MPRIP: variants seen among roughly 807,000 people sequenced by gnomAD.
MPRIP encodes the protein myosin phosphatase Rho-interacting protein.
Under a neutral mutation model 234.9 loss-of-function variants are expected in MPRIP, and 59 were observed. That is an observed-to-expected ratio of 0.25 (90% CI 0.20 to 0.31). The LOEUF (loss-of-function observed/expected upper bound fraction) is 0.31. Ranked by LOEUF, MPRIP falls within the 10% of genes least tolerant of loss-of-function variation. The pLI is 1.00. For synonymous variants in MPRIP, 1,144 were observed against 1,263.9 expected, an observed-to-expected ratio of 0.91 and a Z score of 2.01; for missense variants, 2,436 against 3,071.0, an observed-to-expected ratio of 0.79 and a Z score of 4.89.
In MPRIP at chr17:17,164,878, T is replaced by G; in HGVS notation, c.3287T>G (p.Leu1096Arg). ...GCACGAGAGGCCAGCGTGCGCAGGCTCGCAGAGCACGTGCAGAGCCTCTGT... is the reference window on the plus strand; with the variant it reads ...GCACGAGAGGCCAGCGTGCGCAGGCGCGCAGAGCACGTGCAGAGCCTCTGT... ...LEAREASVRR[L>R]AEHVQSLCDE... Residue 1096 changes from leucine (L) to arginine (R), a missense_variant, in exon 16 of 24, where the codon CTC becomes CGC. This residue lies in a region of MPRIP where 1,998 missense variants were observed against 2,520.3 expected (regional missense o/e 0.79). Transcript: ENST00000651222. 7.7e-7 allele frequency: 1 copy of G among 1,303,958 alleles called. No individual in the cohort carries two copies. The highest frequency in any genetic ancestry group is 1.0e-6 in the Non-Finnish European group (1 of 988,828). The allele number at this position is 1,303,958 out of a possible 1,614,324, so 80.8% of individuals were successfully genotyped here. A position where few individuals can be genotyped will look rare whatever the true frequency, so the allele number is the denominator to read the frequency against.
chr17:17,154,122 G>A (rs975496997), intron 12 of MPRIP, among the ~76,000 whole-genome samples, 184 bp from the exon 13 acceptor site: 75 of 152,192 alleles, frequency 4.9e-4, no homozygotes, highest in Admixed American at 2.6e-4. Flanking sequence ...CAGCTTTGAC[G>A]TCTCCTGCTC....
intron 13 of MPRIP, 31 bp from the exon 14 acceptor site, chr17:17,158,401 G>T: frequency 6.6e-7 from 1 of 1,519,412 alleles, no homozygotes; most frequent in South Asian, 1.3e-5. Flanking sequence ...AGCCGCCCCT[G>T]ACAGGCTATG....
In MPRIP at chr17:17,192,384, G is replaced by A. The variant is rs2046606187; in HGVS notation, c.*7490G>A. 7.8e-6 allele frequency: 1 copy of A among 128,044 alleles called. No individual in the cohort carries two copies. The highest frequency in any genetic ancestry group is 1.6e-5 in the Non-Finnish European group (1 of 63,130). 7.9% of individuals were successfully genotyped at this position (128,044 alleles called of 1,614,324 possible). A position where few individuals can be genotyped will look rare whatever the true frequency, so the allele number is the denominator to read the frequency against. On this transcript the variant is annotated 3_prime_UTR_variant, in exon 24 of 24. Coordinates refer to ENST00000651222, the MANE Select transcript of MPRIP (RefSeq NM_001364716.4). ...GGGTGGGCCATCCACTGTCAGGCCA[G>A]TGTCTCAAGAAAGCCTGACCAGCTG...
chr17:17,131,834 T>G (rs1022385246), intron 5 of MPRIP, 133 bp downstream of exon 5: 4 of 765,462 alleles, frequency 5.2e-6, no homozygotes, highest in Admixed American at 4.5e-5. Flanking sequence ...CTGCACATCC[T>G]TGCTTTGGGC....
At chr17:17,136,540 G>T (rs1318873296) in intron 6 of MPRIP, 90 bp downstream of exon 6, 3 of 1,274,244 alleles carry the variant, frequency 2.4e-6, no homozygotes, top group Non-Finnish European at 2.2e-6. Context: ...GGCCTGTAGA[G>T]CCCAGTCGCA....
At chr17:17,154,247 G>T in intron 12 of MPRIP, 59 bp from the exon 13 acceptor site, 1 of 1,465,538 alleles carries the variant, frequency 6.8e-7, no homozygotes, top group Middle Eastern at 2.3e-4. Flanking sequence ...CTTTGGAGAT[G>T]GAGGGCAGCA....
rs530466722 is a variant in MPRIP at position 17,167,741 on chromosome 17, C to G, written c.6150C>G (p.Ala2050=). The change falls in exon 16 of 24, where the codon GCC becomes GCG. Residue 2050 remains alanine (A), a synonymous_variant. Transcript: ENST00000651222. The surrounding 1 kb of genome is among the most constrained non-coding windows in gnomAD (Gnocchi z 5.9). Reference sequence around the variant, plus strand: ...ACCCCAAGGCCCTGCCAGCCCCTGCCCCCAACTGGCAGGCCACCCAGGGAG... The same window carrying G: ...ACCCCAAGGCCCTGCCAGCCCCTGCGCCCAACTGGCAGGCCACCCAGGGAG... ...GPHPKALPAP[A]PNWQATQGEA... 1.1e-5 allele frequency: 14 copies of G among 1,304,198 alleles called. No homozygotes were observed. In the African/African-American group the frequency reaches 1.5e-4, roughly 14 times the overall value. 80.8% of individuals were successfully genotyped at this position (1,304,198 alleles called of 1,614,324 possible). A position where few individuals can be genotyped will look rare whatever the true frequency, so the allele number is the denominator to read the frequency against.
At chr17:17,108,831 C>T (rs1409212480) in intron 3 of MPRIP, among the ~76,000 whole-genome samples, 1 of 152,256 alleles carries the variant, frequency 6.6e-6, no homozygotes, top group Non-Finnish European at 1.5e-5. Flanking sequence ...AAGGCAGTTA[C>T]ACCATGTGGC....
At chr17:17,116,030 T>C (rs1183324220) in intron 3 of MPRIP, among the ~76,000 whole-genome samples, 1 of 152,192 alleles carries the variant, frequency 6.6e-6, no homozygotes, top group East Asian at 1.9e-4. Flanking sequence ...AAATAAAACG[T>C]ATCTATTACA....
intron 3 of MPRIP, among the ~76,000 whole-genome samples, chr17:17,108,707 T>A (rs554281797): frequency 1.3e-5 from 2 of 152,286 alleles, no homozygotes; most frequent in African/African-American, 4.8e-5. Context: ...GGGAGGGTGC[T>A]GGGGGTGGGG....
At chr17:17,097,190 T>C (rs1359979276) in intron 3 of MPRIP, 1 of 197,062 alleles carries the variant, frequency 5.1e-6, no homozygotes, top group Non-Finnish European at 1.1e-5. Context: ...AACAAAATCA[T>C]GCAGCAAAAT....
chr17:17,082,910 A>C (rs746494678), intron 3 of MPRIP, among the ~76,000 whole-genome samples: 1 of 152,224 alleles, frequency 6.6e-6, no homozygotes, highest in African/African-American at 2.4e-5. Context: ...AGGTCCTGAA[A>C]GATCATCCTG....
At chr17:17,075,839 T>G (rs2089315851) in intron 2 of MPRIP, 52 bp downstream of exon 2, 1 of 1,559,850 alleles carries the variant, frequency 6.4e-7, no homozygotes, top group Non-Finnish European at 8.8e-7. Context: ...GGGACCCATC[T>G]AAGGGTGAAC....
chr17:17,043,755 G>A (rs1388250918), intron 1 of MPRIP, among the ~76,000 whole-genome samples: 1 of 152,184 alleles, frequency 6.6e-6, no homozygotes, highest in African/African-American at 2.4e-5. Flanking sequence ...CAGCCCCCAT[G>A]GCCCTTGGGA....
chr17:17,109,983 C>T (rs575531939), intron 3 of MPRIP, among the ~76,000 whole-genome samples: 3 of 152,212 alleles, frequency 2.0e-5, no homozygotes, highest in South Asian at 2.1e-4. Context: ...CCAAACCTCA[C>T]GTTGAAATGT....
intron 11 of MPRIP, 169 bp from the exon 12 acceptor site, chr17:17,149,975 C>G: frequency 1.7e-6 from 1 of 576,986 alleles, no homozygotes; most frequent in Non-Finnish European, 3.1e-6. Context: ...TGATTGCACC[C>G]AGTGAGGGGC....
chr17:17,091,405 C>T (rs1282889707), intron 3 of MPRIP, among the ~76,000 whole-genome samples: 1 of 152,134 alleles, frequency 6.6e-6, no homozygotes, highest in East Asian at 1.9e-4. Flanking sequence ...GAGACAGATG[C>T]CGCTTGCTCC....
intron 1 of MPRIP, among the ~76,000 whole-genome samples, chr17:17,049,422 T>C (rs2088460080): frequency 6.6e-6 from 1 of 152,234 alleles, no homozygotes; most frequent in Non-Finnish European, 1.5e-5. Flanking sequence ...GGACTGTCTG[T>C]ACAAGAATCG....
chr17:17,075,650 A>G, intron 1 of MPRIP, 60 bp from the exon 2 acceptor site: 1 of 1,430,546 alleles, frequency 7.0e-7, no homozygotes, highest in Non-Finnish European at 9.9e-7. Context: ...TGTTAACTTG[A>G]CCTGTTCTCT....
Sources: allele counts gnomAD v4.1 joint callset (sites outside exome capture counted in the v4.1 genomes callset), GRCh38; gene constraint gnomAD v4.1.1; regional missense constraint gnomAD v4.1.1; non-coding constraint Gnocchi (gnomAD v3.1); transcripts MANE v1.5; gene names NCBI Gene and HGNC (gene_info 2026-07-23, HGNC 2026-07-21).